TANC2: variants seen among roughly 807,000 people sequenced by gnomAD.
The protein encoded by TANC2 is tetratricopeptide repeat, ankyrin repeat and coiled-coil containing 2, also known as protein TANC2.
A neutral mutation model predicts 210.5 loss-of-function variants in TANC2; 26 were observed. That is an observed-to-expected ratio of 0.12 (90% confidence interval 0.09 to 0.17). The LOEUF (loss-of-function observed/expected upper bound fraction) is 0.17. Among genes scored for constraint, TANC2 ranks in the 10% least tolerant of loss-of-function variants. The pLI, the probability that TANC2 is intolerant of heterozygous loss-of-function variation, is 1.00. For synonymous variants in TANC2, 931 were observed against 967.1 expected, an observed-to-expected ratio of 0.96 and a Z score of 0.69; for missense variants, 2,129 against 2,608.9, an observed-to-expected ratio of 0.82 and a Z score of 4.01.
chr17:63,340,378 C>G (rs762199030), intron 12 of TANC2, 46 bp downstream of exon 12: 3 of 1,494,114 alleles, frequency 2.0e-6, no homozygotes, highest in Non-Finnish European at 2.8e-6. Context: ...GTTTAGAGCC[C>G]AAGTTCACCC....
chr17:62,978,051 T>C (rs1231112423), intron 1 of TANC2, among the ~76,000 whole-genome samples: 1 of 152,204 alleles, frequency 6.6e-6, no homozygotes, highest in East Asian at 1.9e-4. Flanking sequence ...CTGAATAATA[T>C]TTTATAGTAC....
At chr17:63,196,604 T>C (rs1031097723) in intron 6 of TANC2, among the ~76,000 whole-genome samples, 17 of 152,200 alleles carry the variant, frequency 1.1e-4, no homozygotes, top group African/African-American at 3.9e-4. Context: ...AGTAGTATCA[T>C]TGATTTAATT....
chr17:63,294,642 T>G (rs888527220), intron 9 of TANC2, among the ~76,000 whole-genome samples: 1 of 152,238 alleles, frequency 6.6e-6, no homozygotes, highest in East Asian at 1.9e-4. Flanking sequence ...CAACTTGATT[T>G]CATCATAAAC....
chr17:63,286,466 A>G (rs2044224151), intron 9 of TANC2, among the ~76,000 whole-genome samples: 1 of 152,186 alleles, frequency 6.6e-6, no homozygotes, highest in South Asian at 2.1e-4. Flanking sequence ...TATTTGTGAC[A>G]GGGAATCTGC....
intron 4 of TANC2, among the ~76,000 whole-genome samples, chr17:63,141,547 CAG>C (rs1049309580): frequency 1.9e-4 from 28 of 151,088 alleles, no homozygotes; most frequent in Non-Finnish European, 3.2e-4. Context: ...GCCTGGGTGA[CAG>C]AGCGAGACTC....
intron 4 of TANC2, among the ~76,000 whole-genome samples, chr17:63,138,383 G>A (rs1236764146): frequency 2.0e-5 from 3 of 152,210 alleles, no homozygotes; most frequent in African/African-American, 7.2e-5. Context: ...ATCTTTGTGA[G>A]AGGACCATAA....
In TANC2 at chr17:63,237,799, C is replaced by T; in HGVS notation, c.770-15C>T. The T allele has an allele frequency of 6.5e-7, 1 of 1,529,618 alleles. No individual in the cohort carries two copies. Among genetic ancestry groups the T allele is most frequent in the Non-Finnish European group, 8.8e-7 (1 of 1,138,818 alleles). The allele number at this position is 1,529,618 out of a possible 1,614,324, so 94.8% of individuals were successfully genotyped here. On this transcript the variant is annotated splice_polypyrimidine_tract_variant and intron_variant, in intron 7 of 27. Transcript: ENST00000689528. ...ATGTGGCTTTATTAAATTCATTTTACTCTTTTTTTTTCAGCTACATTAACA... is the reference window on the plus strand; with the variant it reads ...ATGTGGCTTTATTAAATTCATTTTATTCTTTTTTTTTCAGCTACATTAACA...
At chr17:63,193,526 T>G (rs1207769648) in intron 5 of TANC2, among the ~76,000 whole-genome samples, 1 of 152,246 alleles carries the variant, frequency 6.6e-6, no homozygotes, top group East Asian at 1.9e-4. Context: ...GTGATGCTGT[T>G]GTTTTGGCAT....
At chr17:63,233,831 C>A (rs963510782) in intron 7 of TANC2, among the ~76,000 whole-genome samples, 5 of 152,158 alleles carry the variant, frequency 3.3e-5, no homozygotes, top group Non-Finnish European at 7.4e-5. Context: ...TTTGGATAAA[C>A]CATTGTTTTT....
chr17:63,055,991 ATATATATAT>A (rs1322821645), intron 2 of TANC2, among the ~76,000 whole-genome samples: 2 of 9,596 alleles, frequency 2.1e-4, no homozygotes, highest in Non-Finnish European at 5.6e-4. Flanking sequence ...AAAAAAAAAA[ATATATATAT>A]ATATATATAT....
chr17:63,120,222 A>C (rs975988251), intron 4 of TANC2, among the ~76,000 whole-genome samples: 3 of 152,056 alleles, frequency 2.0e-5, no homozygotes, highest in Admixed American at 6.5e-5. Flanking sequence ...TTGTATATTA[A>C]CCTATTTGTT....
At chr17:63,007,335 T>C (rs998844411) in intron 1 of TANC2, among the ~76,000 whole-genome samples, 7 of 152,214 alleles carry the variant, frequency 4.6e-5, no homozygotes, top group Non-Finnish European at 1.0e-4. Flanking sequence ...CTTTGCCTGA[T>C]ATTGGCATAG....
intron 9 of TANC2, among the ~76,000 whole-genome samples, chr17:63,310,138 A>G (rs2045070294): frequency 6.6e-6 from 1 of 152,184 alleles, no homozygotes; most frequent in African/African-American, 2.4e-5. Context: ...AACTGTTTCA[A>G]CTTTCACAAA....
At chr17:63,051,354 C>T (rs992010488) in intron 2 of TANC2, among the ~76,000 whole-genome samples, 2 of 152,166 alleles carry the variant, frequency 1.3e-5, no homozygotes, top group Non-Finnish European at 2.9e-5. Context: ...AAAACCCTAG[C>T]TCATACTTGA....
chr17:63,404,392 AAAG>A (rs2048436078), intron 19 of TANC2, among the ~76,000 whole-genome samples: 1 of 152,234 alleles, frequency 6.6e-6, no homozygotes, highest in African/African-American at 2.4e-5. Flanking sequence ...AGTGGCACAA[AAAG>A]AAGAATGTTT....
chr17:63,286,451 T>G (rs1045835754), intron 9 of TANC2, among the ~76,000 whole-genome samples: 3 of 152,238 alleles, frequency 2.0e-5, no homozygotes, highest in African/African-American at 4.8e-5. Context: ...CCTTCTCACT[T>G]GCATTATTTG....
At chr17:63,015,331 T>A (rs1400014414) in intron 2 of TANC2, among the ~76,000 whole-genome samples, 2 of 152,090 alleles carry the variant, frequency 1.3e-5, no homozygotes, top group South Asian at 2.1e-4. Context: ...TTATTTATTT[T>A]TTATTCTTTA....
chr17:63,058,539 G>T (rs2035886007), intron 2 of TANC2, among the ~76,000 whole-genome samples: 1 of 152,090 alleles, frequency 6.6e-6, no homozygotes, highest in Admixed American at 6.6e-5. Context: ...GTCTTCTAGG[G>T]TTTTTATAGT....
chr17:63,125,357 C>G (rs987783917), intron 4 of TANC2: 1 of 152,146 alleles, frequency 6.6e-6, no homozygotes, highest in Non-Finnish European at 1.5e-5. Flanking sequence ...ACTGCATGAT[C>G]CTATGTATCT....
Sources: gnomAD v4.1 joint callset for allele counts (sites outside exome capture counted in the v4.1 genomes callset) on GRCh38, gnomAD v4.1.1 for gene constraint, MANE v1.5 for transcripts, NCBI Gene and HGNC (gene_info 2026-07-23, HGNC 2026-07-21) for gene names.